Variants in ATM observed in about 807,000 individuals in gnomAD.
The protein encoded by ATM is serine-protein kinase ATM.
In ATM, 308 loss-of-function variants were observed where a neutral mutation model predicts 387.0. The observed-to-expected ratio is 0.80, with a 90% CI of 0.73 to 0.87. ATM has a LOEUF of 0.87. ATM is among the 40% of genes least tolerant of loss of function. The pLI is 0.00. For synonymous variants in ATM, 1,156 were observed against 1,187.3 expected (o/e 0.97, Z 0.54); for missense variants, 3,312 against 3,560.9 (o/e 0.93, Z 1.78).
intron 1 of ATM, 161 bp from the exon 2 acceptor site, chr11:108,227,434 T>C: frequency 1.9e-6 from 1 of 534,084 alleles, no homozygotes. Context: ...TAAGAAAAAT[T>C]ATTGTGCCTT....
chr11:108,276,961 C>G (rs986465893), intron 22 of ATM, among the ~76,000 whole-genome samples: 2 of 152,132 alleles, frequency 1.3e-5, no homozygotes, highest in Admixed American at 1.3e-4. Context: ...GAAGCTGTGC[C>G]CACAACCACC....
In ATM at chr11:108,250,940, T is replaced by C. The variant is rs1555071017; in HGVS notation, c.1475T>C (p.Phe492Ser). 1 of 1,614,180 alleles carries C rather than the reference T, an allele frequency of 6.2e-7. No homozygotes were observed. Among genetic ancestry groups the C allele is most frequent in the Non-Finnish European group, 8.5e-7 (1 of 1,180,028 alleles). Residue 492 changes from phenylalanine (F) to serine (S), a missense_variant, in exon 10 of 63, where the codon TTT becomes TCT. This residue lies in a region of ATM where 1,791 missense variants were observed against 1,804.5 expected (regional missense o/e 0.99). Transcript: ENST00000675843. ...TGGAATAAAATTTGGTGTATTACCT[T>C]TCGTGGTATAAGTTCTGAGCAAATA... is the stretch of plus-strand genomic sequence containing the variant. ...KLWNKIWCITFRGISSEQIQA... is the reference protein window; with the variant it reads ...KLWNKIWCITSRGISSEQIQA...
chr11:108,245,265 A>G (rs1296323527), intron 7 of ATM, among the ~76,000 whole-genome samples: 1 of 152,204 alleles, frequency 6.6e-6, no homozygotes, highest in African/African-American at 2.4e-5. Flanking sequence ...GAAATACAAA[A>G]AAATCTGAGA....
chr11:108,289,977 C>T (rs1452858936), intron 29 of ATM, 176 bp downstream of exon 29: 1 of 581,414 alleles, frequency 1.7e-6, no homozygotes. Context: ...TCCTCCTCAC[C>T]CTGCCGGGTA....
At chr11:108,289,261 T>G (rs1231765507) in intron 28 of ATM, among the ~76,000 whole-genome samples, 158 bp downstream of exon 28, 1 of 152,224 alleles carries the variant, frequency 6.6e-6, no homozygotes. Flanking sequence ...GGTATTTTAC[T>G]TGTCAGCATT....
chr11:108,354,417 T>C (rs1007114031), intron 60 of ATM, among the ~76,000 whole-genome samples: 1 of 152,182 alleles, frequency 6.6e-6, no homozygotes, highest in Non-Finnish European at 1.5e-5. Context: ...TAGTATAACA[T>C]TGTGCTACTA....
chr11:108,256,150 C>G (rs2080465169), intron 13 of ATM, 65 bp from the exon 14 acceptor site: 1 of 1,378,476 alleles, frequency 7.3e-7, no homozygotes, highest in Non-Finnish European at 9.7e-7. Flanking sequence ...TTTGTTCTTA[C>G]AAAAGATAGA....
chr11:108,317,520 A>C lies in ATM; in HGVS notation c.6346A>C (p.Ser2116Arg), dbSNP rs2084794474. 1 of 1,601,788 alleles carries C rather than the reference A, an allele frequency of 6.2e-7. No homozygotes were observed. The highest frequency in any genetic ancestry group is 8.5e-7 in the Non-Finnish European group (1 of 1,175,394). Residue 2116 changes from serine (S) to arginine (R), a missense_variant and splice_region_variant, in exon 43 of 63, where the codon AGC (serine) becomes CGC (arginine). Ser to Arg is a moderately radical substitution (Grantham distance 110). Coordinates refer to ENST00000675843, the MANE Select transcript of ATM (RefSeq NM_000051.4). Reference sequence around the variant, plus strand: ...GCAGTGGGACCATTGCACTTCCGTCAGGTAAGAAATTTGACTTGATTTTTT... The same window carrying C: ...GCAGTGGGACCATTGCACTTCCGTCCGGTAAGAAATTTGACTTGATTTTTT... Reference protein sequence around the residue: ...NMQWDHCTSVSKEVEGTSYHE... With the variant: ...NMQWDHCTSVRKEVEGTSYHE...
chr11:108,333,018 C>G, intron 53 of ATM, 118 bp downstream of exon 53: 1 of 1,298,520 alleles, frequency 7.7e-7, no homozygotes, highest in South Asian at 1.3e-5. Context: ...AATCCAAAAG[C>G]TTAATTTATA....
chr11:108,312,721 G>A (rs903151412), intron 40 of ATM, among the ~76,000 whole-genome samples: 2 of 152,132 alleles, frequency 1.3e-5, no homozygotes, highest in South Asian at 2.1e-4. Flanking sequence ...TCTGAAAGAC[G>A]AAGGTAAAAC....
intron 38 of ATM, chr11:108,309,165 C>A: frequency 3.0e-6 from 2 of 670,220 alleles, no homozygotes; most frequent in Admixed American, 5.2e-5. Flanking sequence ...TTATCCTGTA[C>A]AGTATGTTGG....
Position 108,361,575 on chromosome 11 carries a change from A to G in ATM, c.8851-3507A>G, listed in dbSNP as rs377487718. Among the ~76,000 whole-genome samples the G allele has an allele frequency of 7.2e-5, 11 of 151,996 alleles. No individual in the cohort carries two copies. The South Asian group carries it at 8.5e-4, about 12-fold the overall frequency. Reference sequence around the variant, plus strand: ...CTACAAGGCTACAGTAACCAAAACAACATGGTACTGGTACCAAAACAGAGA... The same window carrying G: ...CTACAAGGCTACAGTAACCAAAACAGCATGGTACTGGTACCAAAACAGAGA... On this transcript the variant is annotated intron_variant, in intron 61 of 62. Coordinates refer to ENST00000675843, the MANE Select transcript of ATM (RefSeq NM_000051.4).
intron 16 of ATM, among the ~76,000 whole-genome samples, chr11:108,266,636 A>T (rs893639141): frequency 2.0e-5 from 3 of 151,808 alleles, no homozygotes; most frequent in Admixed American, 6.6e-5. Context: ...AAAGTGTAAT[A>T]AAAAAAATAA....
intron 61 of ATM, among the ~76,000 whole-genome samples, chr11:108,359,749 G>C (rs1175501947): frequency 6.6e-6 from 1 of 151,970 alleles, no homozygotes; most frequent in South Asian, 2.1e-4. Flanking sequence ...TGAAACCAAC[G>C]AGAACAAAGA....
chr11:108,274,873 G>A (rs538512750), intron 22 of ATM, among the ~76,000 whole-genome samples: 5 of 152,330 alleles, frequency 3.3e-5, no homozygotes, highest in Admixed American at 3.3e-4. Context: ...TTCTGTAGAT[G>A]TCTGTTAGGT....
rs1350657331 is a variant in ATM at position 108,330,418 on chromosome 11, G to A, written c.7512G>A (p.Met2504Ile). ...NSGVSEVNGM[M>I]KRDGMKIPTY... is the part of the protein sequence containing the mutation. ...GAGTTTCTGAAGTCAATGGCATGAT[G>A]AAGGCAAGTGTTACTCAGCCCAATA... Residue 2504 changes from methionine to isoleucine, a missense_variant, in exon 50 of 63, where the codon ATG becomes ATA. Physicochemically the swap from Met to Ile is conservative, Grantham distance 10 (BLOSUM62 1). Transcript: ENST00000675843. 1 of 1,613,988 alleles carries A rather than the reference G, an allele frequency of 6.2e-7. No homozygotes were observed. The highest frequency in any genetic ancestry group is 8.5e-7 in the Non-Finnish European group (1 of 1,179,972).
chr11:108,353,693 A>G, intron 59 of ATM, 73 bp from the exon 60 acceptor site: 1 of 1,244,974 alleles, frequency 8.0e-7, no homozygotes, highest in Admixed American at 1.7e-5. Context: ...GCCTTTGTAA[A>G]GTTCACATTC....
chr11:108,273,112 A>G (rs1169673050), intron 22 of ATM, among the ~76,000 whole-genome samples: 1 of 152,138 alleles, frequency 6.6e-6, no homozygotes, highest in Non-Finnish European at 1.5e-5. Context: ...CAAGTGGTTG[A>G]CTCGAGTGAG....
At chr11:108,362,917 T>C (rs2090951506) in intron 61 of ATM, among the ~76,000 whole-genome samples, 1 of 151,796 alleles carries the variant, frequency 6.6e-6, no homozygotes, top group South Asian at 2.1e-4. Flanking sequence ...ACCTGCACAA[T>C]GTGCACATGT....
Sources: gnomAD v4.1 joint callset for allele counts (sites outside exome capture counted in the v4.1 genomes callset) on GRCh38, gnomAD v4.1.1 for gene constraint, gnomAD v4.1.1 regional missense constraint, MANE v1.5 for transcripts, NCBI Gene and HGNC (gene_info 2026-07-23, HGNC 2026-07-21) for gene names.